SRFBP1: variants seen among roughly 807,000 people sequenced by gnomAD.
The protein encoded by SRFBP1 is serum response factor-binding protein 1.
A neutral mutation model predicts 45.5 loss-of-function variants in SRFBP1; 47 were observed. The ratio of observed to expected loss-of-function variants is 1.03; its 90% CI spans 0.82 to 1.32. SRFBP1 has a LOEUF of 1.32. Ranked by LOEUF, SRFBP1 falls within the 40% of genes most tolerant of loss-of-function variation. The pLI, the probability that SRFBP1 is intolerant of heterozygous loss-of-function variation, is 0.00. For synonymous variants in SRFBP1, 203 were observed against 166.3 expected (o/e 1.22, Z -1.70); for missense variants, 621 against 484.6 (o/e 1.28, Z -2.64).
chr5:122,047,433 T>G (rs1380610053), intron 2 of SRFBP1, among the ~76,000 whole-genome samples: 5 of 152,244 alleles, frequency 3.3e-5, no homozygotes, highest in Admixed American at 1.3e-4. Flanking sequence ...AGTACCATGC[T>G]GTTTTGGTTG....
At chr5:122,001,041 C>G (rs916420116) in intron 4 of SRFBP1, among the ~76,000 whole-genome samples, 19 of 151,964 alleles carry the variant, frequency 1.3e-4, no homozygotes, top group African/African-American at 4.1e-4. Flanking sequence ...AATGAGATCA[C>G]CATTAAAGGT....
intron 3 of SRFBP1, among the ~76,000 whole-genome samples, chr5:121,990,100 C>G (rs529581697): frequency 2.6e-5 from 4 of 152,244 alleles, no homozygotes; most frequent in African/African-American, 9.6e-5. Flanking sequence ...TTAAGTCATT[C>G]TAGCAAAGAC....
At chr5:122,033,321 C>T (rs1753620935), downstream of SRFBP1, among the ~76,000 whole-genome samples, 1 of 151,874 alleles carries the variant, frequency 6.6e-6, no homozygotes, top group Non-Finnish European at 1.5e-5. Context: ...CTTTTTCTGC[C>T]ATTTATTTCT....
At position 121,994,649 on chromosome 5, in the gene SRFBP1, C is replaced by T. The variant is rs557839231; in HGVS notation, c.249C>T (p.Asn83=). ...VTKSALGDDI[N]FEKIFKKPDS... ...AATCTGCTCTTGGTGATGATATCAA[C>T]TTTGAAAAAATCTTCAAAAAGGTAT... is the stretch of plus-strand genomic sequence containing the variant. The change falls in exon 4 of 8, where the codon AAC becomes AAT. Residue 83 remains asparagine (N), a synonymous_variant. Coordinates refer to ENST00000339397, the MANE Select transcript of SRFBP1 (RefSeq NM_152546.3). 6.3e-7 allele frequency: 1 copy of T among 1,595,200 alleles called. No homozygotes were observed. The highest frequency in any genetic ancestry group is 1.1e-5 in the South Asian group (1 of 87,618).
chr5:122,020,327 G>C lies in SRFBP1; in HGVS notation c.592G>C (p.Val198Leu). The C allele has an allele frequency of 6.2e-7, 1 of 1,613,832 alleles. No individual in the cohort carries two copies. The highest frequency in any genetic ancestry group is 8.5e-7 in the Non-Finnish European group (1 of 1,179,916). The change falls in exon 6 of 8, where the codon GTG becomes CTG. Residue 198 changes from valine to leucine, a missense_variant. By Grantham distance (32) the Val-to-Leu change is conservative. Coordinates refer to ENST00000339397, the MANE Select transcript of SRFBP1 (RefSeq NM_152546.3). ...AAAGATGGAACATGGACCTAAAGCA[G>C]TGACTATTGCAAATTCTCCATCAAA... ...IAKMEHGPKA[V>L]TIANSPSKPS...
At chr5:122,070,776 A>T (rs1315895018) in intron 2 of SRFBP1, 1 of 456,346 alleles carries the variant, frequency 2.2e-6, no homozygotes, top group East Asian at 3.3e-5. Flanking sequence ...CAGCTAAAAA[A>T]GATACAGGAC....
At chr5:121,994,460 C>G (rs1048459445) in intron 3 of SRFBP1, 139 bp from the exon 4 acceptor site, 29 of 622,524 alleles carry the variant, frequency 4.7e-5, no homozygotes, top group Non-Finnish European at 7.9e-5. Flanking sequence ...TCAACTCTGT[C>G]ATATTTTATG....
chr5:121,968,500 T>G (rs755389784), intron 1 of SRFBP1, among the ~76,000 whole-genome samples: 1 of 152,190 alleles, frequency 6.6e-6, no homozygotes, highest in Non-Finnish European at 1.5e-5. Context: ...ATGTTACTTT[T>G]CAGGTTTTAT....
chr5:121,983,677 T>C (rs753421631), intron 3 of SRFBP1, among the ~76,000 whole-genome samples: 12 of 151,740 alleles, frequency 7.9e-5, no homozygotes, highest in Non-Finnish European at 1.6e-4. Context: ...ATGAAAATAA[T>C]TTATAGGCGA....
At chr5:122,052,010 C>G (rs576422053) in intron 2 of SRFBP1, among the ~76,000 whole-genome samples, 1 of 152,098 alleles carries the variant, frequency 6.6e-6, no homozygotes, top group African/African-American at 2.4e-5. Context: ...CTCATGAAAC[C>G]TAGTTTGGCC....
Position 122,020,635 on chromosome 5 carries a change from T to C in SRFBP1, c.900T>C (p.Cys300=). Residue 300 remains cysteine, a synonymous_variant, in exon 6 of 8, where the codon TGT becomes TGC. Transcript: ENST00000339397. The part of the protein sequence containing the change: ...VRRTRKKESS[C]HSSVKEQKPL... The stretch of plus-strand genomic sequence containing the variant: ...GGACACGAAAGAAGGAAAGTAGTTG[T>C]CATTCTTCAGTTAAGGAACAAAAAC... 1 of 1,614,024 alleles carries C rather than the reference T, an allele frequency of 6.2e-7. No homozygotes were observed. Among genetic ancestry groups the C allele is most frequent in the South Asian group, 1.1e-5 (1 of 91,028 alleles).
chr5:121,963,602 G>C (rs560766346), intron 1 of SRFBP1, among the ~76,000 whole-genome samples: 1 of 152,088 alleles, frequency 6.6e-6, no homozygotes, highest in Admixed American at 6.5e-5. Flanking sequence ...AACTCCTCTC[G>C]GTCTGGGTTA....
At chr5:122,026,434 C>T (rs917645108) in intron 7 of SRFBP1, among the ~76,000 whole-genome samples, 5 of 152,284 alleles carry the variant, frequency 3.3e-5, no homozygotes, top group African/African-American at 1.2e-4. Context: ...TTGTAATAAC[C>T]ACTTTTGGTT....
At chr5:122,053,592 GGAGGC>G (rs1229371073) in intron 2 of SRFBP1, among the ~76,000 whole-genome samples, 1 of 152,122 alleles carries the variant, frequency 6.6e-6, no homozygotes, top group Non-Finnish European at 1.5e-5. Context: ...TGGGGCAATA[GGAGGC>G]TGCACCCACC....
chr5:122,011,987 G>T (rs943469863), intron 4 of SRFBP1, among the ~76,000 whole-genome samples: 1 of 152,010 alleles, frequency 6.6e-6, no homozygotes, highest in Non-Finnish European at 1.5e-5. Context: ...GGAGCTTTAC[G>T]CAATTTATAG....
chr5:122,026,056 C>G (rs1248651957), intron 7 of SRFBP1, among the ~76,000 whole-genome samples: 3 of 152,296 alleles, frequency 2.0e-5, no homozygotes, highest in East Asian at 3.9e-4. Flanking sequence ...CGCCACTGCT[C>G]TCCATCCTGG....
chr5:122,078,844 C>T (rs1754718357), downstream of SRFBP1, among the ~76,000 whole-genome samples: 1 of 152,244 alleles, frequency 6.6e-6, no homozygotes, highest in South Asian at 2.1e-4. Flanking sequence ...TTATTTCCTA[C>T]AGTGAATATT....
At chr5:122,077,248 C>G, downstream of SRFBP1, 5 of 1,532,778 alleles carry the variant, frequency 3.3e-6, no homozygotes, top group Non-Finnish European at 4.4e-6. The surrounding 1 kb of genome is among the most constrained non-coding windows in gnomAD (Gnocchi z 4.9). Context: ...GGGGAGGGAT[C>G]GGATCTGCGA....
chr5:122,034,192 T>G (rs1422904959), intron 2 of SRFBP1, among the ~76,000 whole-genome samples: 2 of 152,238 alleles, frequency 1.3e-5, no homozygotes, highest in Non-Finnish European at 2.9e-5. Flanking sequence ...TGGTTCTTTA[T>G]GAACCCAAAT....
Sources: gnomAD v4.1 joint callset for allele counts (sites outside exome capture counted in the v4.1 genomes callset) on GRCh38, gnomAD v4.1.1 for gene constraint, Gnocchi (gnomAD v3.1) non-coding constraint, MANE v1.5 for transcripts, NCBI Gene and HGNC (gene_info 2026-07-23, HGNC 2026-07-21) for gene names.